TANGO2: variants seen among roughly 807,000 people sequenced by gnomAD.
The protein encoded by TANGO2 is transport and Golgi organization protein 2 homolog.
In TANGO2, 26 loss-of-function variants were observed where a neutral mutation model predicts 39.1. That is an observed-to-expected ratio of 0.67 (90% confidence interval 0.49 to 0.92). TANGO2 has a LOEUF of 0.92. TANGO2 is among the 40% of genes least tolerant of loss of function. The probability of loss-of-function intolerance (pLI) is 0.00; values close to 1 mark genes in which losing one functional copy is unlikely to be tolerated. For missense variants in TANGO2, 326 were observed against 360.1 expected (o/e 0.91, Z 0.77); for synonymous variants, 131 against 144.5 (o/e 0.91, Z 0.67).
chr22:20,017,055 G>A (rs1047903441), upstream of TANGO2: 3 of 152,124 alleles, frequency 2.0e-5, no homozygotes, highest in Non-Finnish European at 4.4e-5. Context: ...GCGGTGGCAG[G>A]GTACGCGGGA....
At chr22:20,052,338 G>T in intron 3 of TANGO2, 127 bp from the exon 4 acceptor site, 1 of 1,375,862 alleles carries the variant, frequency 7.3e-7, no homozygotes, top group Non-Finnish European at 9.9e-7. Context: ...GGGCCAAGCC[G>T]CATGTCGAAC....
At position 20,057,042 on chromosome 22, in the gene TANGO2, CT is replaced by C; in HGVS notation, c.451+1033del. 2.3e-6 allele frequency: 1 copy of C among 441,784 alleles called. No homozygotes were observed. The highest frequency in any genetic ancestry group is 1.6e-5 in the South Asian group (1 of 63,486). 27.4% of individuals were successfully genotyped at this position (441,784 alleles called of 1,614,324 possible). A position where few individuals can be genotyped will look rare whatever the true frequency, so the allele number is the denominator to read the frequency against. ...TCCATGCCCACGTCACACAGACTTTCTTTTGCATTTGGCACAAATCACCAAG... is the reference window on the plus strand; with the variant it reads ...TCCATGCCCACGTCACACAGACTTTCTTTGCATTTGGCACAAATCACCAAG... On this transcript the variant is annotated intron_variant, in intron 6 of 8. Coordinates refer to ENST00000327374, the MANE Select transcript of TANGO2 (RefSeq NM_152906.7). This position sits in a 1 kb window ranked among gnomAD's most constrained non-coding sequence, Gnocchi z 4.1.
At chr22:20,050,842 GTTT>G (rs200982438) in intron 3 of TANGO2, among the ~76,000 whole-genome samples, 2 of 127,338 alleles carry the variant, frequency 1.6e-5, no homozygotes, top group Non-Finnish European at 1.7e-5. Context: ...GTTTTGTTGG[GTTT>G]TTTTTTTTTT....
intron 2 of TANGO2, 120 bp downstream of exon 2, chr22:20,036,974 C>A (rs1419245183): frequency 1.2e-6 from 2 of 1,607,818 alleles, no homozygotes; most frequent in Non-Finnish European, 1.7e-6. Flanking sequence ...GCTGCACAGG[C>A]CTGGCACTGC....
chr22:20,036,570 C>T (rs2042889202), intron 1 of TANGO2, among the ~76,000 whole-genome samples, 190 bp from the exon 2 acceptor site: 2 of 152,156 alleles, frequency 1.3e-5, no homozygotes, highest in African/African-American at 4.8e-5. Context: ...CTGGCCAGTG[C>T]CAATGAGTGC....
In TANGO2 at chr22:20,064,839, G is replaced by T; in HGVS notation, c.*177G>T. On this transcript the variant is annotated 3_prime_UTR_variant, in exon 9 of 9. Coordinates refer to ENST00000327374, the MANE Select transcript of TANGO2 (RefSeq NM_152906.7). ...ATCTGTGTCCCCATGCCCAGTTCAG[G>T]GTCTGCCTTTATGCCAGTGAGGAGC... is the stretch of plus-strand genomic sequence containing the variant. 1 of 791,974 alleles carries T rather than the reference G, an allele frequency of 1.3e-6. No homozygotes were observed. The highest frequency in any genetic ancestry group is 1.9e-6 in the Non-Finnish European group (1 of 515,262). 49.1% of individuals were successfully genotyped at this position (791,974 alleles called of 1,614,324 possible). A position where few individuals can be genotyped will look rare whatever the true frequency, so the allele number is the denominator to read the frequency against.
At chr22:20,036,965 C>A in intron 2 of TANGO2, 111 bp downstream of exon 2, 4 of 1,610,558 alleles carry the variant, frequency 2.5e-6, no homozygotes, top group Non-Finnish European at 3.4e-6. Context: ...CAGGACGGGG[C>A]TGCACAGGCC....
chr22:20,043,074 A>G (rs914699662), intron 2 of TANGO2, among the ~76,000 whole-genome samples: 8 of 151,982 alleles, frequency 5.3e-5, no homozygotes, highest in Admixed American at 3.3e-4. Context: ...TGGTGCCCCT[A>G]AGGGCCTGGC....
At chr22:20,038,903 G>T (rs1260197789) in intron 2 of TANGO2, among the ~76,000 whole-genome samples, 4 of 146,642 alleles carry the variant, frequency 2.7e-5, no homozygotes, top group African/African-American at 1.0e-4. Flanking sequence ...GGAGTAAAAA[G>T]TAGGGTGCTT....
intron 3 of TANGO2, among the ~76,000 whole-genome samples, chr22:20,044,946 C>T (rs1417156946): frequency 6.6e-6 from 1 of 152,184 alleles, no homozygotes; most frequent in Non-Finnish European, 1.5e-5. Context: ...GAATTGTTCA[C>T]CCCTGTGGTG....
chr22:20,036,611 G>A, intron 1 of TANGO2, 149 bp from the exon 2 acceptor site: 2 of 690,298 alleles, frequency 2.9e-6, no homozygotes. Flanking sequence ...TGTGGCACCG[G>A]CCAAGAGTGT....
At chr22:20,060,121 G>A (rs953073544) in intron 6 of TANGO2, among the ~76,000 whole-genome samples, 26 of 152,012 alleles carry the variant, frequency 1.7e-4, no homozygotes, top group African/African-American at 6.0e-4. Flanking sequence ...AGGCCAAGGC[G>A]GGTGGATCAC....
chr22:20,061,476 GC>G, intron 6 of TANGO2, 53 bp from the exon 7 acceptor site: 1 of 1,533,764 alleles, frequency 6.5e-7, no homozygotes, highest in South Asian at 1.2e-5. Flanking sequence ...GTGGCAATTT[GC>G]CCTGACATGG....
chr22:20,028,659 G>C (rs1417522665), intron 1 of TANGO2, among the ~76,000 whole-genome samples: 1 of 152,228 alleles, frequency 6.6e-6, no homozygotes, highest in Non-Finnish European at 1.5e-5. Flanking sequence ...GTGCTGGTTG[G>C]TGTGGGGTGG....
Position 20,063,402 on chromosome 22 carries a change from T to C in TANGO2, c.670T>C (p.Tyr224His), listed in dbSNP as rs1353640620. The C allele has an allele frequency of 3.7e-6, 6 of 1,613,322 alleles. No homozygotes were observed. In the South Asian group the frequency reaches 6.6e-5, roughly 18 times the overall value. The stretch of plus-strand genomic sequence containing the variant: ...GTACGTGCAGCCCATGCTGAGCAAG[T>C]ACGCGGCTGTGTGCGTGCGCTGCCC... ...GEYVQPMLSKYAAVCVRCPGY... is the reference protein window; with the variant it reads ...GEYVQPMLSKHAAVCVRCPGY... The change falls in exon 8 of 9, where the codon TAC (tyrosine) becomes CAC (histidine). Residue 224 changes from tyrosine to histidine, a missense_variant. Physicochemically the swap from Tyr to His is moderately conservative, Grantham distance 83. Coordinates refer to ENST00000327374, the MANE Select transcript of TANGO2 (RefSeq NM_152906.7).
In TANGO2 at chr22:20,052,523, CA is replaced by C; in HGVS notation, c.206del (p.Lys69SerfsTer28). 6.2e-7 allele frequency: 1 copy of C among 1,605,580 alleles called. No individual in the cohort carries two copies. Among genetic ancestry groups the C allele is most frequent in the Non-Finnish European group, 8.5e-7 (1 of 1,176,358 alleles). ...CATGGCTGGGCATCAGCACACGTGG[CA>C]AGCTGGCAGCACTCACCAACTACCT... is the stretch of plus-strand genomic sequence containing the variant. ...GTWLGISTRG[K>X]LAALTNYLQP... On this transcript the variant is annotated frameshift_variant, in exon 4 of 9. Coordinates refer to ENST00000327374, the MANE Select transcript of TANGO2 (RefSeq NM_152906.7). LOFTEE classifies it high-confidence loss of function.
intron 8 of TANGO2, chr22:20,063,724 C>CCGTG: frequency 2.6e-6 from 1 of 379,944 alleles, no homozygotes; most frequent in Non-Finnish European, 4.7e-6. Flanking sequence ...GGCAAACGCC[C>CCGTG]CGGCACCATG....
chr22:20,061,636 G>A lies in TANGO2; in HGVS notation c.558G>A (p.Lys186=), dbSNP rs1372930551. The part of the protein sequence containing the change: ...EAVERSQALP[K]DVLIASLLDV... ...TGGAACGGAGCCAGGCGCTGCCCAA[G>A]GATGTGCTCATCGCCAGCCTCCTGG... The change falls in exon 7 of 9, where the codon AAG becomes AAA. Residue 186 remains lysine, a synonymous_variant. Coordinates refer to ENST00000327374, the MANE Select transcript of TANGO2 (RefSeq NM_152906.7). 2 of 1,566,882 alleles carry A rather than the reference G, an allele frequency of 1.3e-6. No individual in the cohort carries two copies. Among genetic ancestry groups the A allele is most frequent in the Non-Finnish European group, 1.7e-6 (2 of 1,155,254 alleles).
chr22:20,017,890 G>A (rs1352389412), upstream of TANGO2, among the ~76,000 whole-genome samples: 3 of 152,170 alleles, frequency 2.0e-5, no homozygotes, highest in African/African-American at 7.2e-5. Context: ...CCTGGCTCAC[G>A]CATGCTGTCA....
Sources: gnomAD v4.1 joint callset for allele counts (sites outside exome capture counted in the v4.1 genomes callset) on GRCh38, gnomAD v4.1.1 for gene constraint, Gnocchi (gnomAD v3.1) non-coding constraint, MANE v1.5 for transcripts, NCBI Gene and HGNC (gene_info 2026-07-23, HGNC 2026-07-21) for gene names.